Variants in ZDHHC24 observed in about 807,000 individuals in gnomAD.
ZDHHC24 encodes probable palmitoyltransferase ZDHHC24.
Under a neutral mutation model 23.2 loss-of-function variants are expected in ZDHHC24, and 17 were observed. The observed-to-expected ratio is 0.73, with a 90% CI of 0.50 to 1.10. The LOEUF (loss-of-function observed/expected upper bound fraction) is 1.10, where lower values mean the gene tolerates loss of function less well. Among genes scored for constraint, ZDHHC24 ranks in the 50% least tolerant of loss-of-function variants. ZDHHC24 has a pLI of 0.00. For missense variants in ZDHHC24, 366 were observed against 393.0 expected (o/e 0.93, Z 0.58); for synonymous variants, 186 against 194.5 (o/e 0.96, Z 0.36).
intron 3 of ZDHHC24, chr11:66,529,078 G>T (rs1856646401): frequency 1.0e-6 from 1 of 983,074 alleles, no homozygotes; most frequent in Non-Finnish European, 1.2e-6. Flanking sequence ...TAGAGAAAAA[G>T]CACATAAAAT....
chr11:66,532,312 T>C (rs1254543214), downstream of ZDHHC24: 5 of 512,730 alleles, frequency 9.8e-6, no homozygotes, highest in African/African-American at 1.9e-5. Flanking sequence ...CCAGAAACCA[T>C]ACTGGGCTCA....
At chr11:66,543,669 C>T in intron 2 of ZDHHC24, 35 bp downstream of exon 2, 1 of 1,530,476 alleles carries the variant, frequency 6.5e-7, no homozygotes, top group Non-Finnish European at 8.8e-7. Context: ...TACCAGGGCC[C>T]CTGCCTCTGT....
At chr11:66,531,126 G>A (rs1226718403), downstream of ZDHHC24, 15 of 1,515,676 alleles carry the variant, frequency 9.9e-6, no homozygotes, top group African/African-American at 1.4e-5. Flanking sequence ...GTCAGAGCGT[G>A]CGGGTGGCTG....
Position 66,539,829 on chromosome 11 carries a change from A to G in ZDHHC24, c.560-5T>C, listed in dbSNP as rs1857097277. 1 of 1,590,232 alleles carries G rather than the reference A, an allele frequency of 6.3e-7. No homozygotes were observed. The highest frequency in any genetic ancestry group is 8.6e-7 in the Non-Finnish European group (1 of 1,166,842). Reference sequence around the variant, plus strand: ...ACTGTGCCAGAGACACTCTGCCTGCAATAAAAGAGCAGAGAGGGTCAGGGA... The same window carrying G: ...ACTGTGCCAGAGACACTCTGCCTGCGATAAAAGAGCAGAGAGGGTCAGGGA... On this transcript the variant is annotated splice_region_variant and splice_polypyrimidine_tract_variant and intron_variant, in intron 2 of 2. Coordinates refer to ENST00000310442, the MANE Select transcript of ZDHHC24 (RefSeq NM_207340.3).
At chr11:66,531,041 C>T, downstream of ZDHHC24, 1 of 1,614,162 alleles carries the variant, frequency 6.2e-7, no homozygotes, top group Middle Eastern at 1.6e-4. Flanking sequence ...ACTGGATGCT[C>T]CTCACTTAGA....
downstream of ZDHHC24, chr11:66,531,910 A>G (rs941883418): frequency 4.5e-6 from 7 of 1,570,214 alleles, no homozygotes; most frequent in Middle Eastern, 3.4e-4. Flanking sequence ...GCAAGGGGTC[A>G]GGGGTGTATG....
chr11:66,531,890 C>T (rs1188745371), downstream of ZDHHC24: 23 of 1,576,950 alleles, frequency 1.5e-5, no homozygotes, highest in Middle Eastern at 3.3e-4. Context: ...TTAGGGCCAG[C>T]GCAGACCAGG....
At chr11:66,526,632 AC>A in intron 4 of ZDHHC24, 1 of 1,614,166 alleles carries the variant, frequency 6.2e-7, no homozygotes, top group Non-Finnish European at 8.5e-7. Context: ...ATCCATTTCC[AC>A]TGTCCACTTC....
In ZDHHC24 at chr11:66,539,382, A is replaced by C; in HGVS notation, c.*147T>G. ...ACGGCCCAAGCCCTGGACACGTAGGAGTGTAGGCGGGCAGGGGCAAGGCCA... is the reference window on the plus strand; with the variant it reads ...ACGGCCCAAGCCCTGGACACGTAGGCGTGTAGGCGGGCAGGGGCAAGGCCA... On this transcript the variant is annotated 3_prime_UTR_variant, in exon 3 of 3. Coordinates refer to ENST00000310442, the MANE Select transcript of ZDHHC24 (RefSeq NM_207340.3). 1.5e-6 allele frequency: 2 copies of C among 1,367,148 alleles called. No individual in the cohort carries two copies. The highest frequency in any genetic ancestry group is 1.9e-6 in the Non-Finnish European group (2 of 1,063,470). 84.7% of individuals were successfully genotyped at this position (1,367,148 alleles called of 1,614,324 possible).
At chr11:66,524,969 G>A (rs764983117) in intron 4 of ZDHHC24, among the ~76,000 whole-genome samples, 14 of 152,116 alleles carry the variant, frequency 9.2e-5, no homozygotes, top group Admixed American at 3.9e-4. Flanking sequence ...GGGAGGCCGA[G>A]GCAGGCAGAT....
intron 4 of ZDHHC24, chr11:66,523,893 T>C: frequency 6.2e-7 from 1 of 1,612,240 alleles, no homozygotes; most frequent in Non-Finnish European, 8.5e-7. Flanking sequence ...GTGAGCCCCA[T>C]CTCCGGCATC....
At chr11:66,533,743 CTGTT>C (rs1216131679), downstream of ZDHHC24, 4 of 152,382 alleles carry the variant, frequency 2.6e-5, no homozygotes, top group African/African-American at 4.8e-5. Flanking sequence ...TCACTGAGGA[CTGTT>C]TGTTTTCCAG....
chr11:66,542,185 G>C (rs914088235), intron 2 of ZDHHC24, among the ~76,000 whole-genome samples: 8 of 152,104 alleles, frequency 5.3e-5, no homozygotes, highest in Non-Finnish European at 1.2e-4. Context: ...AGCTGCTGTT[G>C]CTGGGAGTAG....
chr11:66,532,188 T>C (rs1856815535), downstream of ZDHHC24: 12 of 812,880 alleles, frequency 1.5e-5, no homozygotes, highest in Admixed American at 2.5e-5. Context: ...ACCCCCACTG[T>C]TGGGCCTATA....
In ZDHHC24 at chr11:66,545,886, C is replaced by G; in HGVS notation, c.118G>C (p.Gly40Arg). Residue 40 changes from glycine to arginine, a missense_variant, in exon 1 of 3, where the codon GGT becomes CGT. Physicochemically the swap from Gly to Arg is moderately radical, Grantham distance 125 (BLOSUM62 -2). Transcript: ENST00000310442. This position sits in a 1 kb window ranked among gnomAD's most constrained non-coding sequence, Gnocchi z 4.5. Reference protein sequence around the residue: ...GLELAYVLVLGPGPPPLGPLA... With the variant: ...GLELAYVLVLRPGPPPLGPLA... ...GGTCCCAGCGGCGGCGGCCCGGGAC[C>G]GAGCACCAGCACGTAAGCCAGCTCC... The G allele has an allele frequency of 1.3e-6, 2 of 1,543,954 alleles. No individual in the cohort carries two copies. Among genetic ancestry groups the G allele is most frequent in the East Asian group, 2.4e-5 (1 of 41,052 alleles).
At chr11:66,525,313 C>T (rs888976384) in intron 4 of ZDHHC24, among the ~76,000 whole-genome samples, 2 of 151,920 alleles carry the variant, frequency 1.3e-5, no homozygotes, top group Non-Finnish European at 2.9e-5. Flanking sequence ...GAACTGAGAT[C>T]GCGCCACTGC....
At position 66,538,262 on chromosome 11, in the gene ZDHHC24, T is replaced by G. The variant is rs1002932805; in HGVS notation, c.*1267A>C. On this transcript the variant is annotated 3_prime_UTR_variant, in exon 3 of 3. Coordinates refer to ENST00000310442, the MANE Select transcript of ZDHHC24 (RefSeq NM_207340.3). ...AAATACAAAAATTAGCCAGGAATGG[T>G]GGCGGGCACCTGTAATCCCAGCTAC... is the stretch of plus-strand genomic sequence containing the variant. The G allele has an allele frequency of 7.9e-5, 12 of 151,830 alleles. No individual in the cohort carries two copies. The highest frequency in any genetic ancestry group is 2.9e-4 in the African/African-American group (12 of 41,284). 9.4% of individuals were successfully genotyped at this position (151,830 alleles called of 1,614,324 possible).
rs557739576 is a variant in ZDHHC24 at position 66,529,862 on chromosome 11, A to G, written c.560-374T>C. 8 of 1,610,600 alleles carry G rather than the reference A, an allele frequency of 5.0e-6. No individual in the cohort carries two copies. The South Asian group carries it at 8.8e-5, about 18-fold the overall frequency. Reference sequence around the variant, plus strand: ...AGACAGACCTATACCTGCTGCGCCTACGTGCTGCCCGCGCCTACCTGCAGG... The same window carrying G: ...AGACAGACCTATACCTGCTGCGCCTGCGTGCTGCCCGCGCCTACCTGCAGG... On this transcript the variant is annotated intron_variant, in intron 2 of 4. Coordinates refer to the ZDHHC24 transcript ENST00000526986.
At position 66,521,201 on chromosome 11, in the gene ZDHHC24, A is replaced by AG; in HGVS notation, c.*286dup. 5 of 1,129,910 alleles carry AG rather than the reference A, an allele frequency of 4.4e-6. No homozygotes were observed. In the Admixed American group the frequency reaches 8.5e-5, roughly 19 times the overall value. 70.0% of individuals were successfully genotyped at this position (1,129,910 alleles called of 1,614,324 possible). A position where few individuals can be genotyped will look rare whatever the true frequency, so the allele number is the denominator to read the frequency against. ...TTTAGACCAGGCACTCACTCAGAGGAGTTACTGACAGGGCAGGGAGGGACG... is the reference window on the plus strand; with the variant it reads ...TTTAGACCAGGCACTCACTCAGAGGAGGTTACTGACAGGGCAGGGAGGGACG... On this transcript the variant is annotated 3_prime_UTR_variant, in exon 5 of 5. Transcript: ENST00000526986.
Sources: allele counts gnomAD v4.1 joint callset (sites outside exome capture counted in the v4.1 genomes callset), GRCh38; gene constraint gnomAD v4.1.1; non-coding constraint Gnocchi (gnomAD v3.1); transcripts MANE v1.5; gene names NCBI Gene and HGNC (gene_info 2026-07-23, HGNC 2026-07-21).